The following ATP8A2 variants were observed in gnomAD, a reference collection of about 807,000 sequenced individuals.
ATP8A2 encodes phospholipid-transporting ATPase IB.
A neutral mutation model predicts 165.6 loss-of-function variants in ATP8A2; 100 were observed. The observed-to-expected ratio is 0.60, with a 90% confidence interval of 0.51 to 0.71. The LOEUF (loss-of-function observed/expected upper bound fraction) is 0.71. Ranked by LOEUF, ATP8A2 falls within the 30% of genes least tolerant of loss-of-function variation. The pLI, the probability that ATP8A2 is intolerant of heterozygous loss-of-function variation, is 0.00. For synonymous variants in ATP8A2, 543 were observed against 548.8 expected (o/e 0.99, Z 0.15); for missense variants, 1,227 against 1,479.5 (o/e 0.83, Z 2.80).
chr13:25,649,082 C>G, intron 24 of ATP8A2: 1 of 483,776 alleles, frequency 2.1e-6, no homozygotes, highest in Admixed American at 2.2e-5. Context: ...TCCATGTAAT[C>G]CTTGTGTCCT....
chr13:25,778,106 T>G (rs530886325), intron 27 of ATP8A2, among the ~76,000 whole-genome samples: 4 of 151,976 alleles, frequency 2.6e-5, no homozygotes, highest in Non-Finnish European at 4.4e-5. Context: ...CACAGGGGGG[T>G]TTCCTGCAAT....
chr13:25,719,463 A>ATGGG (rs199530287), intron 25 of ATP8A2, among the ~76,000 whole-genome samples: 1 of 151,734 alleles, frequency 6.6e-6, no homozygotes, highest in African/African-American at 2.4e-5. Context: ...GGATGGGTGG[A>ATGGG]TGGGTGGATG....
chr13:25,738,524 G>A (rs1046200193), intron 25 of ATP8A2, among the ~76,000 whole-genome samples: 4 of 152,202 alleles, frequency 2.6e-5, no homozygotes, highest in Non-Finnish European at 4.4e-5. Flanking sequence ...GGTGGAGAGC[G>A]AGCAGGGAAC....
rs1324576453 is a variant in ATP8A2, at chr13:26,024,728, C to T, written c.*4743C>T. On this transcript the variant is annotated 3_prime_UTR_variant, in exon 37 of 37. Coordinates refer to ENST00000381655, the MANE Select transcript of ATP8A2 (RefSeq NM_016529.6). Reference sequence around the variant, plus strand: ...TGAGATATCCACTCTGCTCTTTCTCCCAGGCCTCAGACCAAGAAAAACATG... The same window carrying T: ...TGAGATATCCACTCTGCTCTTTCTCTCAGGCCTCAGACCAAGAAAAACATG... 2 of 152,172 alleles carry T rather than the reference C, an allele frequency of 1.3e-5. No individual in the cohort carries two copies. Among genetic ancestry groups the T allele is most frequent in the African/African-American group, 4.8e-5 (2 of 41,420 alleles). 9.4% of individuals were successfully genotyped at this position (152,172 alleles called of 1,614,324 possible).
intron 24 of ATP8A2, among the ~76,000 whole-genome samples, chr13:25,630,085 C>CA (rs35922789): frequency 0.15 from 22,448 of 151,532 alleles, 2,641 homozygotes; most frequent in East Asian, 0.42. Context: ...TTGTCCCCCC[C>CA]CCACCACCAA....
At chr13:25,772,818 A>G (rs1441490377) in intron 26 of ATP8A2, among the ~76,000 whole-genome samples, 1 of 151,800 alleles carries the variant, frequency 6.6e-6, no homozygotes, top group Non-Finnish European at 1.5e-5. Flanking sequence ...CAGTGGCTGG[A>G]TCTCGGCTCA....
At position 25,540,494 on chromosome 13, in the gene ATP8A2, A is replaced by G. The variant is rs1267337282; in HGVS notation, c.651+106A>G. On this transcript the variant is annotated intron_variant, in intron 8 of 36. Transcript: ENST00000381655. ...ATAAAATATTCAGCCACAAAGGGTT[A>G]TGCCTTAGCCCTAATGGAATCTATG... 3.6e-6 allele frequency: 3 copies of G among 829,746 alleles called. No individual in the cohort carries two copies. In the African/African-American group the frequency reaches 5.1e-5, roughly 14 times the overall value. 51.4% of individuals were successfully genotyped at this position (829,746 alleles called of 1,614,324 possible). A position where few individuals can be genotyped will look rare whatever the true frequency, so the allele number is the denominator to read the frequency against.
chr13:25,586,346 A>G (rs1012971341), intron 23 of ATP8A2, among the ~76,000 whole-genome samples: 2 of 152,190 alleles, frequency 1.3e-5, no homozygotes, highest in Non-Finnish European at 2.9e-5. Context: ...AGAATGGGTC[A>G]GGATGTCCCA....
At chr13:26,004,708 A>G (rs1956706306) in intron 35 of ATP8A2, among the ~76,000 whole-genome samples, 1 of 151,964 alleles carries the variant, frequency 6.6e-6, no homozygotes, top group African/African-American at 2.4e-5. Context: ...GAGTTTTATC[A>G]TGAAGAGGTG....
chr13:25,582,025 G>A, intron 23 of ATP8A2, 68 bp downstream of exon 23: 4 of 1,388,692 alleles, frequency 2.9e-6, no homozygotes, highest in Non-Finnish European at 4.0e-6. Context: ...TCTTTTAAAT[G>A]TGTCTAAATG....
At chr13:25,458,989 A>G (rs1426252432) in intron 1 of ATP8A2, among the ~76,000 whole-genome samples, 1 of 152,204 alleles carries the variant, frequency 6.6e-6, no homozygotes, top group African/African-American at 2.4e-5. Context: ...GCCCTTTGAC[A>G]AAGCCAAGCC....
At chr13:25,743,380 G>A (rs537532917) in intron 25 of ATP8A2, among the ~76,000 whole-genome samples, 8 of 152,172 alleles carry the variant, frequency 5.3e-5, no homozygotes, top group Non-Finnish European at 1.0e-4. Context: ...TAAATTTCTG[G>A]TGTGGAAGCC....
intron 6 of ATP8A2, among the ~76,000 whole-genome samples, chr13:25,536,690 G>A (rs1413203735): frequency 1.3e-5 from 2 of 152,172 alleles, no homozygotes; most frequent in Non-Finnish European, 2.9e-5. Context: ...GCTAGAATAG[G>A]AAATAGAAAG....
chr13:25,559,134 A>T, intron 14 of ATP8A2, 73 bp downstream of exon 14: 1 of 1,029,342 alleles, frequency 9.7e-7, no homozygotes, highest in Non-Finnish European at 1.5e-6. Context: ...TTAGCTACTT[A>T]GTCAAATATC....
chr13:25,914,751 C>A (rs1286537730), intron 33 of ATP8A2, among the ~76,000 whole-genome samples: 1 of 152,196 alleles, frequency 6.6e-6, no homozygotes, highest in African/African-American at 2.4e-5. Flanking sequence ...CAGAGCAAAC[C>A]CCAGTCTCCT....
intron 35 of ATP8A2, among the ~76,000 whole-genome samples, chr13:25,983,932 A>T (rs1956221300): frequency 6.6e-6 from 1 of 152,144 alleles, no homozygotes; most frequent in Non-Finnish European, 1.5e-5. Context: ...GACACAGCTG[A>T]TATAAAAAGT....
At chr13:25,660,976 A>T (rs78877007) in intron 24 of ATP8A2, among the ~76,000 whole-genome samples, 5,221 of 152,166 alleles carry the variant, frequency 0.034, 154 homozygotes, top group East Asian at 0.13. Context: ...CATATCAACA[A>T]CTCAGCTCTT....
intron 24 of ATP8A2, among the ~76,000 whole-genome samples, chr13:25,615,405 G>A (rs1036917246): frequency 6.6e-6 from 1 of 152,054 alleles, no homozygotes; most frequent in Admixed American, 6.6e-5. Flanking sequence ...CCCCCAAATG[G>A]CACTAAGTTT....
intron 25 of ATP8A2, among the ~76,000 whole-genome samples, chr13:25,766,479 C>G (rs990327000): frequency 6.6e-6 from 1 of 152,114 alleles, no homozygotes; most frequent in Non-Finnish European, 1.5e-5. Flanking sequence ...ACCTGTTGAG[C>G]GCTGCACGAC....
Sources: gnomAD v4.1 joint callset for allele counts (sites outside exome capture counted in the v4.1 genomes callset) on GRCh38, gnomAD v4.1.1 for gene constraint, MANE v1.5 for transcripts, NCBI Gene and HGNC (gene_info 2026-07-23, HGNC 2026-07-21) for gene names.